Variants in BMS1 observed in about 807,000 individuals in gnomAD.
BMS1 encodes the protein ribosome biogenesis protein BMS1 homolog.
Under a neutral mutation model 138.7 loss-of-function variants are expected in BMS1, and 53 were observed. The ratio of observed to expected loss-of-function variants is 0.38; its 90% CI spans 0.31 to 0.48. BMS1 has a LOEUF of 0.48. BMS1 is among the 20% of genes least tolerant of loss of function. The pLI, the probability that BMS1 is intolerant of heterozygous loss-of-function variation, is 0.97. For synonymous variants in BMS1, 504 were observed against 539.9 expected (o/e 0.93, Z 0.92); for missense variants, 1,360 against 1,565.5 (o/e 0.87, Z 2.22).
intron 9 of BMS1, among the ~76,000 whole-genome samples, chr10:42,794,776 ATTATAC>A (rs1841622297): frequency 7.4e-6 from 1 of 135,318 alleles, no homozygotes; most frequent in East Asian, 2.2e-4. Flanking sequence ...TTTTTTTTTT[ATTATAC>A]TTTAAGTTTT....
rs1241525441 is a variant in BMS1 at position 42,834,107 on chromosome 10, C to T, written c.*3011C>T. 2 of 152,208 alleles carry T rather than the reference C, an allele frequency of 1.3e-5. No individual in the cohort carries two copies. Among genetic ancestry groups the T allele is most frequent in the African/African-American group, 2.4e-5 (1 of 41,442 alleles). 9.4% of individuals were successfully genotyped at this position (152,208 alleles called of 1,614,324 possible). On this transcript the variant is annotated 3_prime_UTR_variant, in exon 23 of 23. Transcript: ENST00000374518. The stretch of plus-strand genomic sequence containing the variant: ...ACCTTTTCTATTTACTAGGCACAGG[C>T]AGCCATAGGTGCTAGGTATGTTTTG...
chr10:42,826,891 G>T (rs1036534499), intron 21 of BMS1, among the ~76,000 whole-genome samples: 3 of 152,142 alleles, frequency 2.0e-5, no homozygotes, highest in African/African-American at 7.2e-5. Context: ...GGGGCAGGGC[G>T]CAATGGCAGC....
intron 13 of BMS1, among the ~76,000 whole-genome samples, chr10:42,812,075 T>C (rs1842201135): frequency 1.3e-5 from 2 of 152,166 alleles, no homozygotes; most frequent in African/African-American, 4.8e-5. Flanking sequence ...TAAAAATGTG[T>C]GTATTTTGCT....
intron 11 of BMS1, 134 bp downstream of exon 11, chr10:42,797,657 G>A (rs1841732723): frequency 1.2e-6 from 1 of 829,372 alleles, no homozygotes; most frequent in African/African-American, 1.7e-5. Flanking sequence ...TTTGACAGAT[G>A]TCTCTAATCA....
chr10:42,829,412 CCTT>C (rs1842741631), intron 21 of BMS1, among the ~76,000 whole-genome samples: 1 of 152,132 alleles, frequency 6.6e-6, no homozygotes, highest in Non-Finnish European at 1.5e-5. Context: ...TTTGAGTCTC[CCTT>C]CTTTTAGCCA....
In BMS1 at chr10:42,831,390, TA is replaced by T. The variant is rs1380568305; in HGVS notation, c.*295del. ...TTGTCCTACAGAAATATCATTAAAA[TA>T]TTTTTTTGTTACTTTTGGCTTAGTA... is the stretch of plus-strand genomic sequence containing the variant. On this transcript the variant is annotated 3_prime_UTR_variant, in exon 23 of 23. Transcript: ENST00000374518. 12 of 269,346 alleles carry T rather than the reference TA, an allele frequency of 4.5e-5. No homozygotes were observed. The highest frequency in any genetic ancestry group is 4.2e-4 in the East Asian group (6 of 14,390). The allele number at this position is 269,346 out of a possible 1,614,324, so 16.7% of individuals were successfully genotyped here.
intron 22 of BMS1, 142 bp downstream of exon 22, chr10:42,830,564 C>G: frequency 1.7e-6 from 2 of 1,185,264 alleles, no homozygotes; most frequent in Non-Finnish European, 1.2e-6. Context: ...GTCCATTTCC[C>G]TTTCTTTGCC....
chr10:42,801,719 C>T (rs180984171), intron 12 of BMS1, among the ~76,000 whole-genome samples: 10 of 152,188 alleles, frequency 6.6e-5, no homozygotes, highest in African/African-American at 2.2e-4. Flanking sequence ...GATATAAGTC[C>T]CTTATCAGGT....
chr10:42,797,592 G>A lies in BMS1; in HGVS notation c.2089+69G>A. The A allele has an allele frequency of 6.8e-7, 1 of 1,476,896 alleles. No individual in the cohort carries two copies. The highest frequency in any genetic ancestry group is 9.4e-7 in the Non-Finnish European group (1 of 1,061,122). The allele number at this position is 1,476,896 out of a possible 1,614,324, so 91.5% of individuals were successfully genotyped here. On this transcript the variant is annotated intron_variant, in intron 11 of 22. Coordinates refer to ENST00000374518, the MANE Select transcript of BMS1 (RefSeq NM_014753.4). ...GATTATTTAGATGAGGGAATTGGTT[G>A]GAGGATTCGGCTGGTATTGTTGACA...
intron 13 of BMS1, among the ~76,000 whole-genome samples, chr10:42,811,682 G>A (rs112613344): frequency 0.064 from 9,544 of 149,784 alleles, 442 homozygotes; most frequent in Non-Finnish European, 0.091. Flanking sequence ...CCGCCACTAC[G>A]CCCGGCTAAT....
intron 13 of BMS1, among the ~76,000 whole-genome samples, chr10:42,806,538 C>T (rs1281972149): frequency 6.6e-6 from 1 of 151,904 alleles, no homozygotes; most frequent in African/African-American, 2.4e-5. Context: ...AGTTTGAGAC[C>T]AGCCTGGCCA....
intron 12 of BMS1, 25 bp downstream of exon 12, chr10:42,798,650 T>G (rs1196057430): frequency 5.0e-6 from 8 of 1,609,530 alleles, no homozygotes; most frequent in African/African-American, 1.3e-5. Context: ...TACATTTGAT[T>G]TATTAGAGAA....
Position 42,797,565 on chromosome 10 carries a change from C to G in BMS1, c.2089+42C>G, listed in dbSNP as rs766927357. 5.1e-6 allele frequency: 8 copies of G among 1,578,312 alleles called. No homozygotes were observed. The South Asian group carries it at 6.7e-5, about 13-fold the overall frequency. The stretch of plus-strand genomic sequence containing the variant: ...CAGAACTAGAAATGTTTTAGTTTCT[C>G]TGATTATTTAGATGAGGGAATTGGT... On this transcript the variant is annotated intron_variant, in intron 11 of 22. Coordinates refer to ENST00000374518, the MANE Select transcript of BMS1 (RefSeq NM_014753.4).
In BMS1 at chr10:42,819,695, A is replaced by G. The variant is rs61844826; in HGVS notation, c.2581-541A>G. Among the ~76,000 whole-genome samples, 1,495 of 152,332 alleles carry G rather than the reference A, an allele frequency of 9.8e-3. 58 individuals are homozygous for G. In the East Asian group the frequency reaches 0.11, roughly 11 times the overall value. ...AGTGTTCGGGCATGCAGGGCTCCAC[A>G]GTTATCTACATTTGCTGTCCCTTGG... On this transcript the variant is annotated intron_variant, in intron 15 of 22. Transcript: ENST00000374518.
intron 3 of BMS1, 37 bp downstream of exon 3, chr10:42,785,709 C>CTGT: frequency 6.3e-7 from 1 of 1,594,580 alleles, no homozygotes; most frequent in East Asian, 2.2e-5. Flanking sequence ...GTTGGCGTGG[C>CTGT]TGTTGTCATC....
In BMS1 at chr10:42,793,056, T is replaced by C; in HGVS notation, c.1001T>C (p.Leu334Pro). Residue 334 changes from leucine (L) to proline (P), a missense_variant, in exon 8 of 23, where the codon CTG (leucine) becomes CCG (proline). Leu to Pro is a moderately conservative substitution (Grantham distance 98). Coordinates refer to ENST00000374518, the MANE Select transcript of BMS1 (RefSeq NM_014753.4). ...CGCTGTTTAAATGAGAAGGAGAAGC[T>C]GGTTTATGCGCCTCTTTCTGGAGTT... ...KKRCLNEKEK[L>P]VYAPLSGVGG... 6.2e-7 allele frequency: 1 copy of C among 1,614,096 alleles called. No homozygotes were observed. The highest frequency in any genetic ancestry group is 8.5e-7 in the Non-Finnish European group (1 of 1,179,988).
intron 20 of BMS1, 141 bp downstream of exon 20, chr10:42,823,406 A>T: frequency 1.6e-6 from 2 of 1,248,430 alleles, no homozygotes; most frequent in Non-Finnish European, 2.2e-6. Context: ...GGGTGTGCCC[A>T]TTCGCTTTGT....
chr10:42,821,865 T>G (rs1266140492), intron 18 of BMS1, among the ~76,000 whole-genome samples, 197 bp from the exon 19 acceptor site: 2 of 152,202 alleles, frequency 1.3e-5, no homozygotes, highest in Non-Finnish European at 2.9e-5. Flanking sequence ...AAGTCACCCT[T>G]GTTAGTTTGG....
At chr10:42,819,822 C>T (rs752760611) in intron 15 of BMS1, among the ~76,000 whole-genome samples, 21 of 152,030 alleles carry the variant, frequency 1.4e-4, no homozygotes, top group Non-Finnish European at 3.1e-4. Flanking sequence ...GATGGAATCT[C>T]GCTCTATTGC....
Sources: allele counts gnomAD v4.1 joint callset (sites outside exome capture counted in the v4.1 genomes callset), GRCh38; gene constraint gnomAD v4.1.1; transcripts MANE v1.5; gene names NCBI Gene and HGNC (gene_info 2026-07-23, HGNC 2026-07-21).